Variants in GRID1 observed in about 807,000 individuals in gnomAD.
The protein encoded by GRID1 is glutamate receptor ionotropic, delta-1.
Under a neutral mutation model 98.0 loss-of-function variants are expected in GRID1, and 28 were observed. The observed-to-expected ratio is 0.29, with a 90% CI of 0.21 to 0.39. The LOEUF (loss-of-function observed/expected upper bound fraction) is 0.39, where lower values mean the gene tolerates loss of function less well. GRID1 is among the 10% of genes least tolerant of loss of function. The pLI is 1.00. For missense variants in GRID1, 1,111 were observed against 1,340.5 expected, an observed-to-expected ratio of 0.83 and a Z score of 2.67; for synonymous variants, 553 against 538.5, an observed-to-expected ratio of 1.03 and a Z score of -0.37.
chr10:86,177,185 G>A (rs932852983), intron 3 of GRID1, among the ~76,000 whole-genome samples: 1 of 151,784 alleles, frequency 6.6e-6, no homozygotes, highest in African/African-American at 2.4e-5. Context: ...AAATCCTAGG[G>A]AGGAAAAAGC....
chr10:85,792,521 G>A lies in GRID1; in HGVS notation c.1233+61975C>T, dbSNP rs140868565. 2.0e-3 allele frequency among the ~76,000 whole-genome samples: 305 copies of A among 152,324 alleles called. 2 individuals are homozygous for A. Among genetic ancestry groups the A allele is most frequent in the African/African-American group, 6.0e-3 (251 of 41,582 alleles). ...ATGATTTGTTCTCTGGCAGGATATA[G>A]GGTTTATGACTCTGGAGGAATCCAG... is the stretch of plus-strand genomic sequence containing the variant. On this transcript the variant is annotated intron_variant, in intron 8 of 15. Transcript: ENST00000327946.
At chr10:86,099,706 T>C (rs767900563) in intron 4 of GRID1, among the ~76,000 whole-genome samples, 4 of 152,208 alleles carry the variant, frequency 2.6e-5, no homozygotes, top group Non-Finnish European at 5.9e-5. Context: ...ATGCTTTTCC[T>C]GAGCATGTGT....
At chr10:85,811,809 C>T (rs1842674236) in intron 8 of GRID1, among the ~76,000 whole-genome samples, 1 of 152,014 alleles carries the variant, frequency 6.6e-6, no homozygotes, top group African/African-American at 2.4e-5. Context: ...AGAAAACTTC[C>T]CAAGTCTAGA....
chr10:85,838,507 C>T (rs1045852318), intron 8 of GRID1, among the ~76,000 whole-genome samples: 1 of 152,148 alleles, frequency 6.6e-6, no homozygotes, highest in African/African-American at 2.4e-5. Flanking sequence ...CACTGATATT[C>T]AACATTCTTA....
At chr10:85,898,515 A>G (rs1841329019) in intron 5 of GRID1, among the ~76,000 whole-genome samples, 1 of 152,228 alleles carries the variant, frequency 6.6e-6, no homozygotes, top group African/African-American at 2.4e-5. Flanking sequence ...CACTTAGTTT[A>G]CAACACAAAC....
chr10:85,898,185 T>A (rs1259378619), intron 5 of GRID1, among the ~76,000 whole-genome samples: 1 of 152,172 alleles, frequency 6.6e-6, no homozygotes, highest in Non-Finnish European at 1.5e-5. Flanking sequence ...TATTTGTGTA[T>A]CTGAATATAG....
At chr10:85,876,324 T>C (rs1028458300) in intron 5 of GRID1, among the ~76,000 whole-genome samples, 1 of 152,110 alleles carries the variant, frequency 6.6e-6, no homozygotes, top group Admixed American at 6.5e-5. Context: ...GCCGTCAGCA[T>C]TCCCTGGCTT....
intron 2 of GRID1, among the ~76,000 whole-genome samples, chr10:86,260,703 C>T (rs1589429620): frequency 6.6e-6 from 1 of 152,198 alleles, no homozygotes; most frequent in South Asian, 2.1e-4. Context: ...CCCAGCCCCA[C>T]GTCCCCTGAG....
At chr10:86,243,415 T>C (rs952884209) in intron 2 of GRID1, among the ~76,000 whole-genome samples, 1 of 152,118 alleles carries the variant, frequency 6.6e-6, no homozygotes, top group Non-Finnish European at 1.5e-5. Flanking sequence ...TCCTCATTCA[T>C]TGACATGGCC....
chr10:85,967,450 T>G (rs1842351729), intron 4 of GRID1, among the ~76,000 whole-genome samples: 1 of 152,192 alleles, frequency 6.6e-6, no homozygotes, highest in South Asian at 2.1e-4. Context: ...CAACAAAATA[T>G]ATGAGACATT....
chr10:86,067,534 G>A (rs1379473837), intron 4 of GRID1, among the ~76,000 whole-genome samples: 1 of 152,222 alleles, frequency 6.6e-6, no homozygotes, highest in Non-Finnish European at 1.5e-5. Flanking sequence ...ATTTACAGCT[G>A]ATTTTTTAAA....
chr10:85,729,591 C>T lies in GRID1; in HGVS notation c.1257G>A (p.Lys419=). The T allele has an allele frequency of 1.2e-6, 2 of 1,612,590 alleles. No homozygotes were observed. The highest frequency in any genetic ancestry group is 1.1e-5 in the South Asian group (1 of 90,968). The change falls in exon 9 of 16, where the codon AAG becomes AAA. Residue 419 remains lysine (K), a synonymous_variant. Coordinates refer to ENST00000327946, the MANE Select transcript of GRID1 (RefSeq NM_017551.3). ...TCTCTTGCAAGCTGCCATTCAAGCC[C>T]TTCTCTGAGTCCCATGTCGCCAACT... ...MRKLATWDSE[K]GLNGSLQERP...
At chr10:85,866,180 G>C (rs930180426) in intron 6 of GRID1, among the ~76,000 whole-genome samples, 1 of 150,544 alleles carries the variant, frequency 6.6e-6, no homozygotes, top group African/African-American at 2.4e-5. Context: ...ACCCATGGGA[G>C]AGATGTGGAC....
At chr10:85,689,151 A>T (rs1189148957) in intron 12 of GRID1, among the ~76,000 whole-genome samples, 2 of 152,228 alleles carry the variant, frequency 1.3e-5, no homozygotes, top group Non-Finnish European at 2.9e-5. Context: ...ATAATCATAA[A>T]AATGATAAAA....
At chr10:86,229,354 A>G (rs1391822094) in intron 2 of GRID1, among the ~76,000 whole-genome samples, 3 of 152,120 alleles carry the variant, frequency 2.0e-5, no homozygotes, top group Admixed American at 1.3e-4. Context: ...TGGGGTTCAG[A>G]GTAAGGATGA....
intron 4 of GRID1, among the ~76,000 whole-genome samples, chr10:86,001,375 C>T (rs1430280190): frequency 1.3e-5 from 2 of 152,120 alleles, no homozygotes; most frequent in Non-Finnish European, 2.9e-5. Flanking sequence ...CCCATCAATT[C>T]TCACTCAGTC....
At chr10:86,030,631 A>G (rs10887551) in intron 4 of GRID1, among the ~76,000 whole-genome samples, 63,208 of 152,050 alleles carry the variant, frequency 0.42, 14,732 homozygotes, top group South Asian at 0.7. Flanking sequence ...AGTAGCCAGA[A>G]AGAGTCATCA....
chr10:86,227,293 T>G (rs1386928987), intron 2 of GRID1, among the ~76,000 whole-genome samples: 1 of 152,186 alleles, frequency 6.6e-6, no homozygotes, highest in African/African-American at 2.4e-5. Context: ...TGGTGGGTCA[T>G]AGGCACTGAG....
chr10:86,194,290 A>G (rs1168216569), intron 3 of GRID1, among the ~76,000 whole-genome samples: 2 of 152,134 alleles, frequency 1.3e-5, no homozygotes, highest in Non-Finnish European at 2.9e-5. Context: ...AAGCCACCTG[A>G]ATCAAGACAT....
Sources: gnomAD v4.1 joint callset for allele counts (sites outside exome capture counted in the v4.1 genomes callset) on GRCh38, gnomAD v4.1.1 for gene constraint, MANE v1.5 for transcripts, NCBI Gene and HGNC (gene_info 2026-07-23, HGNC 2026-07-21) for gene names.